Variants in DLG5 observed in about 807,000 individuals in gnomAD.
The protein encoded by DLG5 is discs large MAGUK scaffold protein 5, also known as disks large homolog 5.
In DLG5, 48 loss-of-function variants were observed where a neutral mutation model predicts 189.8. The observed-to-expected ratio is 0.25, with a 90% CI of 0.20 to 0.32. The LOEUF (loss-of-function observed/expected upper bound fraction) is 0.32. Among genes scored for constraint, DLG5 ranks in the 10% least tolerant of loss-of-function variants. The pLI is 1.00. For synonymous variants in DLG5, 1,016 were observed against 1,054.1 expected (o/e 0.96, Z 0.70); for missense variants, 2,160 against 2,544.7 (o/e 0.85, Z 3.25).
intron 29 of DLG5, among the ~76,000 whole-genome samples, chr10:77,795,848 G>A (rs1840891001): frequency 6.6e-6 from 1 of 152,134 alleles, no homozygotes; most frequent in Non-Finnish European, 1.5e-5. Context: ...ATACACAGGG[G>A]AACTCCTCCA....
chr10:77,883,785 C>A (rs186884357), intron 1 of DLG5, among the ~76,000 whole-genome samples: 2 of 151,574 alleles, frequency 1.3e-5, no homozygotes, highest in Admixed American at 6.6e-5. Flanking sequence ...CAACCTCCCC[C>A]TTCTGGGTTC....
intron 1 of DLG5, among the ~76,000 whole-genome samples, chr10:77,873,832 C>A (rs1480837747): frequency 6.6e-6 from 1 of 152,200 alleles, no homozygotes; most frequent in Non-Finnish European, 1.5e-5. Flanking sequence ...GGGAGGCCAG[C>A]ACCCCCTACC....
chr10:77,811,817 C>T (rs1248837713), intron 22 of DLG5, 107 bp downstream of exon 22: 1 of 1,424,096 alleles, frequency 7.0e-7, no homozygotes, highest in African/African-American at 1.4e-5. Context: ...GCAGTAGGAT[C>T]CCCAGAACTT....
chr10:77,890,164 T>C (rs1001232566), intron 1 of DLG5, among the ~76,000 whole-genome samples: 3 of 152,114 alleles, frequency 2.0e-5, no homozygotes, highest in Non-Finnish European at 4.4e-5. Context: ...CAAAAACCTA[T>C]AGACAACAGC....
In DLG5 at chr10:77,829,428, C is replaced by T. The variant is rs1161658136; in HGVS notation, c.2112G>A (p.Met704Ile). Reference sequence around the variant, plus strand: ...CCAGGGACTTCCTCCGCCGCACGACCATGTTGATGGCCCCCTCCCCATTGA... The same window carrying T: ...CCAGGGACTTCCTCCGCCGCACGACTATGTTGATGGCCCCCTCCCCATTGA... ...ALLNGEGAINMVVRRRKSLGG... is the reference protein window; with the variant it reads ...ALLNGEGAINIVVRRRKSLGG... Residue 704 changes from methionine to isoleucine, a missense_variant, in exon 12 of 32, where the codon ATG (methionine) becomes ATA (isoleucine). This residue lies in a region of DLG5 where 107 missense variants were observed against 214.5 expected (regional missense o/e 0.50). Coordinates refer to ENST00000372391, the MANE Select transcript of DLG5 (RefSeq NM_004747.4). 1 of 1,614,230 alleles carries T rather than the reference C, an allele frequency of 6.2e-7. No homozygotes were observed.
At chr10:77,940,715 T>G in the DLG5 span, among the ~76,000 whole-genome samples, 1 of 152,184 alleles carries the variant, frequency 6.6e-6, no homozygotes, top group Non-Finnish European at 1.5e-5. Flanking sequence ...AGTCTTGCTC[T>G]CTGGTTTCCT....
intron 25 of DLG5, 139 bp downstream of exon 25, chr10:77,807,657 G>C: frequency 2.0e-6 from 2 of 1,013,974 alleles, no homozygotes; most frequent in South Asian, 3.2e-5. Context: ...TAAGCGTGCA[G>C]ATTGAGTGTC....
intron 1 of DLG5, among the ~76,000 whole-genome samples, chr10:77,881,354 G>T (rs1248646): frequency 0.72 from 110,061 of 151,852 alleles, 40,588 homozygotes; most frequent in African/African-American, 0.86. Flanking sequence ...GGCAGGTCAG[G>T]AGCTCTTCTC....
chr10:77,852,784 T>A (rs1206724924), intron 5 of DLG5, among the ~76,000 whole-genome samples: 1 of 152,216 alleles, frequency 6.6e-6, no homozygotes, highest in African/African-American at 2.4e-5. Flanking sequence ...TGGTCTTGGA[T>A]TAGAATTGAA....
intron 13 of DLG5, among the ~76,000 whole-genome samples, chr10:77,827,064 G>A (rs1842672923): frequency 1.3e-5 from 2 of 152,184 alleles, no homozygotes; most frequent in African/African-American, 4.8e-5. Flanking sequence ...TTTTGAAAGT[G>A]TCTGGGACAT....
rs138808709 is a variant in DLG5, at chr10:77,821,202, A to G, written c.3282T>C (p.Cys1094=). The G allele has an allele frequency of 1.8e-4, 290 of 1,614,046 alleles. 1 individual carries two copies. Among genetic ancestry groups the G allele is most frequent in the Non-Finnish European group, 1.5e-4 (182 of 1,179,992 alleles). ...DSSHLPAKKS[C]DEDLTSQKVD... is the part of the protein sequence containing the mutation. ...CCTTCTGGGAGGTGAGGTCCTCATC[A>G]CAGGATTTCTTGGCCGGCAGGTGGG... is the stretch of plus-strand genomic sequence containing the variant. Residue 1094 remains cysteine, a synonymous_variant, in exon 15 of 32, where the codon TGT becomes TGC. Transcript: ENST00000372391.
intron 1 of DLG5, among the ~76,000 whole-genome samples, chr10:77,916,559 TG>T (rs1282181814): frequency 6.6e-6 from 1 of 151,690 alleles, no homozygotes; most frequent in Non-Finnish European, 1.5e-5. Flanking sequence ...CCCAAAATGC[TG>T]GGATTACAGG....
At chr10:77,793,446 G>A (rs565111633) in intron 31 of DLG5, 2 of 153,034 alleles carry the variant, frequency 1.3e-5, no homozygotes, top group African/African-American at 2.4e-5. Flanking sequence ...CTTTCCCAAA[G>A]AGGCTGAAGG....
At chr10:77,931,291 T>C (rs1846784321), upstream of DLG5, among the ~76,000 whole-genome samples, 1 of 152,024 alleles carries the variant, frequency 6.6e-6, no homozygotes, top group Non-Finnish European at 1.5e-5. Context: ...TCTTACTCTG[T>C]CTCCCAGGCT....
At chr10:77,825,128 G>A (rs1180955071) in intron 13 of DLG5, among the ~76,000 whole-genome samples, 2 of 152,118 alleles carry the variant, frequency 1.3e-5, no homozygotes, top group Admixed American at 6.6e-5. Context: ...TGCAGGCATG[G>A]TGCGGAATCA....
At position 77,835,853 on chromosome 10, in the gene DLG5, T is replaced by G. The variant is rs757538062; in HGVS notation, c.1507A>C (p.Lys503Gln). Reference sequence around the variant, plus strand: ...TCCTTCAGCTCCTGGCACAGAGCCTTGCACTGCTTTCGAAGGATTTCAACC... The same window carrying G: ...TCCTTCAGCTCCTGGCACAGAGCCTGGCACTGCTTTCGAAGGATTTCAACC... ...KEVEILRKQC[K>Q]ALCQELKEAL... Residue 503 changes from lysine to glutamine, a missense_variant, in exon 8 of 32, where the codon AAG (lysine) becomes CAG (glutamine). Transcript: ENST00000372391. 1.2e-6 allele frequency: 2 copies of G among 1,614,088 alleles called. No homozygotes were observed. The highest frequency in any genetic ancestry group is 8.5e-7 in the Non-Finnish European group (1 of 1,179,964).
At chr10:77,855,795 G>C (rs1844201118) in intron 3 of DLG5, among the ~76,000 whole-genome samples, 1 of 152,204 alleles carries the variant, frequency 6.6e-6, no homozygotes, top group Admixed American at 6.5e-5. Context: ...CTGAAGGAAA[G>C]AGGTGAAACT....
chr10:77,803,109 A>G (rs769466174), intron 27 of DLG5, among the ~76,000 whole-genome samples: 12 of 152,202 alleles, frequency 7.9e-5, no homozygotes, highest in Non-Finnish European at 1.6e-4. Context: ...TGGATGTGAG[A>G]GGATAACAGT....
intron 27 of DLG5, among the ~76,000 whole-genome samples, chr10:77,799,881 G>C (rs1158296771): frequency 1.3e-5 from 2 of 152,196 alleles, no homozygotes; most frequent in African/African-American, 4.8e-5. Context: ...AAAGTGCTGG[G>C]ATTACAGGTG....
Sources: gnomAD v4.1 joint callset for allele counts (sites outside exome capture counted in the v4.1 genomes callset) on GRCh38, gnomAD v4.1.1 for gene constraint, gnomAD v4.1.1 regional missense constraint, MANE v1.5 for transcripts, NCBI Gene and HGNC (gene_info 2026-07-23, HGNC 2026-07-21) for gene names.